TBCK: variants seen among roughly 807,000 people sequenced by gnomAD.
TBCK encodes TBC1 domain containing kinase.
Under a neutral mutation model 113.4 loss-of-function variants are expected in TBCK, and 99 were observed. The observed-to-expected ratio is 0.87, with a 90% CI of 0.74 to 1.03. TBCK has a LOEUF of 1.03. Ranked by LOEUF, TBCK falls within the 50% of genes least tolerant of loss-of-function variation. TBCK has a pLI of 0.00. For missense variants in TBCK, 1,045 were observed against 1,061.3 expected, an observed-to-expected ratio of 0.98 and a Z score of 0.21; for synonymous variants, 369 against 370.8, an observed-to-expected ratio of 1.00 and a Z score of 0.05.
chr4:106,295,018 C>T, intron 3 of TBCK, 76 bp downstream of exon 3: 1 of 1,199,624 alleles, frequency 8.3e-7, no homozygotes. Flanking sequence ...AAACCAAACC[C>T]CTGCAGTTTA....
At chr4:106,208,811 A>G (rs1186766950) in intron 20 of TBCK, among the ~76,000 whole-genome samples, 1 of 152,176 alleles carries the variant, frequency 6.6e-6, no homozygotes, top group African/African-American at 2.4e-5. Flanking sequence ...TGTGAGACTG[A>G]AAGAACTGTT....
In TBCK at chr4:106,041,794, A is replaced by G. The variant is rs1733891334; in HGVS notation, c.*4776T>C. The G allele has an allele frequency of 6.6e-6, 1 of 152,228 alleles. No homozygotes were observed. Among genetic ancestry groups the G allele is most frequent in the South Asian group, 2.1e-4 (1 of 4,832 alleles). The allele number at this position is 152,228 out of a possible 1,614,324, so 9.4% of individuals were successfully genotyped here. On this transcript the variant is annotated 3_prime_UTR_variant, in exon 26 of 26. Transcript: ENST00000394708. ...TATACAGATCACAATCTATCTATAG[A>G]ACACTGAATATGCCAAGATCCAAGT...
intron 23 of TBCK, among the ~76,000 whole-genome samples, chr4:106,119,118 ATAAAAG>A (rs943128397): frequency 1.3e-5 from 2 of 152,344 alleles, no homozygotes; most frequent in Admixed American, 1.3e-4. Flanking sequence ...ACTTAGAGGC[ATAAAAG>A]TAAAACTGTA....
At position 106,086,011 on chromosome 4, in the gene TBCK, G is replaced by A. The variant is rs187010280; in HGVS notation, c.2571+9471C>T. ...CAGAAAGCTAAAAAGATCTCAAATC[G>A]ACACCCTAACATCACAATTAAAAGA... On this transcript the variant is annotated intron_variant, in intron 25 of 25. Transcript: ENST00000394708. Among the ~76,000 whole-genome samples the A allele has an allele frequency of 7.1e-4, 108 of 152,082 alleles. 3 individuals are homozygous for A. The highest frequency in any genetic ancestry group is 2.1e-3 in the Admixed American group (32 of 15,262).
rs1032308307 is a variant in TBCK, at chr4:106,123,201, G to T, written c.2236-6823C>A. ...AGTCTCAGGATACAAAATCAATGTA[G>T]AAAAATCACAAGCATTCTTATACAC... On this transcript the variant is annotated intron_variant, in intron 23 of 25. Transcript: ENST00000394708. Among the ~76,000 whole-genome samples, 6 of 152,210 alleles carry T rather than the reference G, an allele frequency of 3.9e-5. No homozygotes were observed. In the East Asian group the frequency reaches 1.2e-3, roughly 29 times the overall value.
At chr4:106,094,579 T>C (rs374566101) in intron 25 of TBCK, among the ~76,000 whole-genome samples, 7 of 152,334 alleles carry the variant, frequency 4.6e-5, no homozygotes, top group Middle Eastern at 3.4e-3. Flanking sequence ...CAAAGGAATA[T>C]GTACAATCAA....
In TBCK at chr4:106,251,108, G is replaced by T. The variant is rs185753971; in HGVS notation, c.598-630C>A. The T allele has an allele frequency of 2.2e-3, 865 of 388,538 alleles. 4 individuals carry two copies. Among genetic ancestry groups the T allele is most frequent in the African/African-American group, 0.017 (812 of 47,542 alleles). 24.1% of individuals were successfully genotyped at this position (388,538 alleles called of 1,614,324 possible). A position where few individuals can be genotyped will look rare whatever the true frequency, so the allele number is the denominator to read the frequency against. The stretch of plus-strand genomic sequence containing the variant: ...AGCATTTATGAGTTGAGCAATGATT[G>T]TGTGCCAAATTGGACTCTTCCACCA... On this transcript the variant is annotated intron_variant, in intron 6 of 25. Coordinates refer to ENST00000394708, the MANE Select transcript of TBCK (RefSeq NM_001163435.3).
chr4:106,094,127 T>C (rs1007755927), intron 25 of TBCK, among the ~76,000 whole-genome samples: 2 of 152,216 alleles, frequency 1.3e-5, no homozygotes, highest in African/African-American at 4.8e-5. Flanking sequence ...AGTTCCTTAC[T>C]ATGAAATCAT....
At chr4:106,060,410 G>A (rs1735906796) in intron 25 of TBCK, among the ~76,000 whole-genome samples, 1 of 151,726 alleles carries the variant, frequency 6.6e-6, no homozygotes, top group South Asian at 2.1e-4. Context: ...TAAGAATTAT[G>A]CCAAATCTAC....
intron 3 of TBCK, among the ~76,000 whole-genome samples, chr4:106,271,707 G>A (rs751615718): frequency 8.0e-5 from 12 of 150,164 alleles, no homozygotes; most frequent in East Asian, 2.0e-4. Context: ...AGCTGAGATC[G>A]CGCCACTGCA....
intron 23 of TBCK, among the ~76,000 whole-genome samples, chr4:106,156,392 TTCAC>T (rs1749126470): frequency 6.6e-6 from 1 of 152,198 alleles, no homozygotes; most frequent in African/African-American, 2.4e-5. Context: ...ACTGCCTGTG[TTCAC>T]TCAAGGTCCT....
intron 2 of TBCK, among the ~76,000 whole-genome samples, chr4:106,304,197 T>C (rs999364230): frequency 2.0e-5 from 3 of 152,126 alleles, no homozygotes; most frequent in South Asian, 2.1e-4. Context: ...ATAACCCTTA[T>C]GATAAATAAA....
At chr4:106,204,341 C>T (rs985337776) in intron 20 of TBCK, among the ~76,000 whole-genome samples, 2 of 152,204 alleles carry the variant, frequency 1.3e-5, no homozygotes, top group East Asian at 1.9e-4. Flanking sequence ...AACCTCTACA[C>T]CAGCTTTCTT....
At chr4:106,247,115 C>T (rs1184166124) in intron 10 of TBCK, 24 bp downstream of exon 10, 4 of 1,601,596 alleles carry the variant, frequency 2.5e-6, no homozygotes, top group Non-Finnish European at 3.4e-6. Context: ...TCATATTATT[C>T]TCTATGCTTT....
intron 12 of TBCK, among the ~76,000 whole-genome samples, chr4:106,240,710 A>G (rs1760013080): frequency 6.6e-6 from 1 of 152,036 alleles, no homozygotes; most frequent in Non-Finnish European, 1.5e-5. Context: ...AATTTTGCCT[A>G]GAAAAGAACT....
chr4:106,154,254 C>T lies in TBCK; in HGVS notation c.2235+16841G>A, dbSNP rs151239742. On this transcript the variant is annotated intron_variant, in intron 23 of 25. Coordinates refer to ENST00000394708, the MANE Select transcript of TBCK (RefSeq NM_001163435.3). ...TTTTTGATTTGACGTTACCATGAGG[C>T]TTTCAAATAATATATTATAATCCAT... 8.5e-5 allele frequency among the ~76,000 whole-genome samples: 13 copies of T among 152,090 alleles called. No individual in the cohort carries two copies. In the East Asian group the frequency reaches 2.5e-3, roughly 29 times the overall value.
chr4:106,095,804 A>AGT (rs1740836317), intron 24 of TBCK, among the ~76,000 whole-genome samples, 163 bp from the exon 25 acceptor site: 5 of 152,294 alleles, frequency 3.3e-5, no homozygotes, highest in African/African-American at 7.2e-5. Flanking sequence ...AGAAAAAAAA[A>AGT]AGTTAAATTT....
At chr4:106,178,045 T>C (rs1751895234) in intron 22 of TBCK, among the ~76,000 whole-genome samples, 1 of 151,448 alleles carries the variant, frequency 6.6e-6, no homozygotes, top group Admixed American at 6.6e-5. Context: ...TCACTTCTTT[T>C]GTTAAATTTG....
intron 20 of TBCK, 82 bp from the exon 21 acceptor site, chr4:106,194,836 G>T: frequency 8.2e-7 from 1 of 1,216,798 alleles, no homozygotes; most frequent in Non-Finnish European, 1.1e-6. Flanking sequence ...TAAACTAAAT[G>T]GTAAATGTAA....
Sources: gnomAD v4.1 joint callset for allele counts (sites outside exome capture counted in the v4.1 genomes callset) on GRCh38, gnomAD v4.1.1 for gene constraint, MANE v1.5 for transcripts, NCBI Gene and HGNC (gene_info 2026-07-23, HGNC 2026-07-21) for gene names.